The following DOT1L variants were observed in gnomAD, a reference collection of about 807,000 sequenced individuals.
DOT1L encodes the protein histone-lysine N-methyltransferase, H3 lysine-79 specific.
Under a neutral mutation model 153.3 loss-of-function variants are expected in DOT1L, and 33 were observed. The observed-to-expected ratio is 0.22, with a 90% confidence interval of 0.16 to 0.29. The LOEUF (loss-of-function observed/expected upper bound fraction) is 0.29, where lower values mean the gene tolerates loss of function less well. Ranked by LOEUF, DOT1L falls within the 10% of genes least tolerant of loss-of-function variation. The pLI is 1.00. For synonymous variants in DOT1L, 1,135 were observed against 965.1 expected (o/e 1.18, Z -3.26); for missense variants, 1,847 against 2,119.9 (o/e 0.87, Z 2.53).
chr19:2,210,958 TC>T, intron 14 of DOT1L, 103 bp downstream of exon 14: 1 of 1,475,122 alleles, frequency 6.8e-7, no homozygotes, highest in Non-Finnish European at 9.3e-7. Context: ...GTTCAGGGTG[TC>T]CCTGGAGCCT....
In DOT1L at chr19:2,190,537, C is replaced by T. The variant is rs1369112055; in HGVS notation, c.265-475C>T. Among the ~76,000 whole-genome samples the T allele has an allele frequency of 6.6e-6, 1 of 152,036 alleles. No homozygotes were observed. Among genetic ancestry groups the T allele is most frequent in the Non-Finnish European group, 1.5e-5 (1 of 67,986 alleles). Reference sequence around the variant, plus strand: ...CCCCTGAGAGCTGAGCTGGCCTGGGCGAGAGGGGACCACCTCAGCCTGCTG... The same window carrying T: ...CCCCTGAGAGCTGAGCTGGCCTGGGTGAGAGGGGACCACCTCAGCCTGCTG... On this transcript the variant is annotated intron_variant, in intron 4 of 27. Coordinates refer to ENST00000398665, the MANE Select transcript of DOT1L (RefSeq NM_032482.3). This position sits in a 1 kb window ranked among gnomAD's most constrained non-coding sequence, Gnocchi z 4.8.
In DOT1L at chr19:2,226,428, G is replaced by A. The variant is rs745447769; in HGVS notation, c.3907G>A (p.Ala1303Thr). ...RKGFPGSLSGADGLSPGTNPA... is the reference protein window; with the variant it reads ...RKGFPGSLSGTDGLSPGTNPA... Reference sequence around the variant, plus strand: ...AGGCTTTCCCGGCTCCCTGTCGGGGGCTGACGGACTCAGCCCGGGCACCAA... The same window carrying A: ...AGGCTTTCCCGGCTCCCTGTCGGGGACTGACGGACTCAGCCCGGGCACCAA... Residue 1303 changes from alanine (A) to threonine (T), a missense_variant, in exon 27 of 28, where the codon GCT becomes ACT. Coordinates refer to ENST00000398665, the MANE Select transcript of DOT1L (RefSeq NM_032482.3). The A allele has an allele frequency of 3.1e-6, 5 of 1,601,030 alleles. No homozygotes were observed. The highest frequency in any genetic ancestry group is 2.2e-5 in the East Asian group (1 of 44,814).
At chr19:2,175,397 C>G (rs939084482) in intron 1 of DOT1L, among the ~76,000 whole-genome samples, 8 of 152,288 alleles carry the variant, frequency 5.3e-5, no homozygotes, top group African/African-American at 1.9e-4. Flanking sequence ...AACTCCTGGG[C>G]TCCAGTGATC....
chr19:2,207,731 C>G lies in DOT1L; in HGVS notation c.963+51C>G, dbSNP rs371267973. On this transcript the variant is annotated intron_variant, in intron 11 of 27. Transcript: ENST00000398665. This position sits in a 1 kb window ranked among gnomAD's most constrained non-coding sequence, Gnocchi z 4.5. ...GCAGGGCCGTCCTGGTCTTCCACCC[C>G]GCCCACGTCACACTGCTCTCTCCTT... 2.7e-6 allele frequency: 4 copies of G among 1,490,304 alleles called. No individual in the cohort carries two copies. The highest frequency in any genetic ancestry group is 3.6e-6 in the Non-Finnish European group (4 of 1,096,096). 92.3% of individuals were successfully genotyped at this position (1,490,304 alleles called of 1,614,324 possible).
chr19:2,229,286 G>A lies in DOT1L; in HGVS notation c.4607-499G>A, dbSNP rs918898393. 2.1e-5 allele frequency: 21 copies of A among 985,344 alleles called. No individual in the cohort carries two copies. In the African/African-American group the frequency reaches 3.0e-4, roughly 14 times the overall value. 61.0% of individuals were successfully genotyped at this position (985,344 alleles called of 1,614,324 possible). A position where few individuals can be genotyped will look rare whatever the true frequency, so the allele number is the denominator to read the frequency against. On this transcript the variant is annotated intron_variant, in intron 27 of 27. Transcript: ENST00000398665. Reference sequence around the variant, plus strand: ...CCTCCAGGGACATGGCGTGCCTGGCGGCGTAGTGCAAAGGTGCCCTCTGCT... The same window carrying A: ...CCTCCAGGGACATGGCGTGCCTGGCAGCGTAGTGCAAAGGTGCCCTCTGCT...
Position 2,204,019 on chromosome 19 carries a change from A to T in DOT1L, c.787+1240A>T, listed in dbSNP as rs914358073. Among the ~76,000 whole-genome samples, 28 of 152,336 alleles carry T rather than the reference A, an allele frequency of 1.8e-4. No individual in the cohort carries two copies. Among genetic ancestry groups the T allele is most frequent in the Admixed American group, 7.8e-4 (12 of 15,302 alleles). On this transcript the variant is annotated intron_variant, in intron 9 of 27. Coordinates refer to ENST00000398665, the MANE Select transcript of DOT1L (RefSeq NM_032482.3). This position sits in a 1 kb window ranked among gnomAD's most constrained non-coding sequence, Gnocchi z 5.7. The stretch of plus-strand genomic sequence containing the variant: ...GCGGTGGGCTCCTCAGGCCTCCCAA[A>T]CAAAACCCAGAGGGTCTGCAGCTGC...
At chr19:2,176,057 T>C (rs1026419316) in intron 1 of DOT1L, among the ~76,000 whole-genome samples, 5 of 152,136 alleles carry the variant, frequency 3.3e-5, no homozygotes, top group African/African-American at 1.2e-4. Context: ...AACAGGTCTG[T>C]GCTGGAAACG....
At chr19:2,218,036 A>T in intron 22 of DOT1L, 118 bp downstream of exon 22, 2 of 1,424,302 alleles carry the variant, frequency 1.4e-6, no homozygotes, top group Non-Finnish European at 1.9e-6. Flanking sequence ...GCGTGAGGCA[A>T]TGCAGTCAAG....
At chr19:2,177,455 C>A (rs1055573591) in intron 1 of DOT1L, among the ~76,000 whole-genome samples, 1 of 152,164 alleles carries the variant, frequency 6.6e-6, no homozygotes, top group Non-Finnish European at 1.5e-5. Flanking sequence ...CGCCACCACA[C>A]CCAGCTAATT....
chr19:2,227,982 C>T (rs948952130), intron 27 of DOT1L: 1 of 1,277,396 alleles, frequency 7.8e-7, no homozygotes. Flanking sequence ...GCCGCCCGTC[C>T]TCCACGCCCC....
At position 2,210,632 on chromosome 19, in the gene DOT1L, T is replaced by C. The variant is rs767588740; in HGVS notation, c.1128T>C (p.Ala376=). 3.1e-6 allele frequency: 5 copies of C among 1,612,542 alleles called. No individual in the cohort carries two copies. In the East Asian group the frequency reaches 6.7e-5, roughly 22 times the overall value. ...CTTGTGTCCTCCAGGACTCTGGTGC[T>C]GAGGAAGAGAAGGCGGGAGCAGCCA... ...GPADAPMDSG[A]EEEKAGAATV... Residue 376 remains alanine, a synonymous_variant, in exon 14 of 28, where the codon GCT becomes GCC. Transcript: ENST00000398665.
chr19:2,219,980 G>A lies in DOT1L; in HGVS notation c.2692-128G>A, dbSNP rs912452093. 46 of 759,850 alleles carry A rather than the reference G, an allele frequency of 6.1e-5. No individual in the cohort carries two copies. The Admixed American group carries it at 1.1e-3, about 18-fold the overall frequency. The allele number at this position is 759,850 out of a possible 1,614,324, so 47.1% of individuals were successfully genotyped here. The stretch of plus-strand genomic sequence containing the variant: ...TTCCCCCGCTGCCCTCTTCCCACGC[G>A]GTACTGGACGGTGACCCCGGCGGCC... On this transcript the variant is annotated intron_variant, in intron 22 of 27. Transcript: ENST00000398665.
At chr19:2,165,465 C>G (rs995502475) in intron 1 of DOT1L, among the ~76,000 whole-genome samples, 1 of 152,222 alleles carries the variant, frequency 6.6e-6, no homozygotes, top group Non-Finnish European at 1.5e-5. Flanking sequence ...GGGTAGGGCC[C>G]TGGGGCTCTG....
chr19:2,217,728 G>T lies in DOT1L; in HGVS notation c.2545-44G>T. ...GTGGCTGTGGTCCCTGTGTCCTGGAGGGGTTTGTTGACCCACGACTGGGGG... is the reference window on the plus strand; with the variant it reads ...GTGGCTGTGGTCCCTGTGTCCTGGATGGGTTTGTTGACCCACGACTGGGGG... On this transcript the variant is annotated intron_variant, in intron 21 of 27. Coordinates refer to ENST00000398665, the MANE Select transcript of DOT1L (RefSeq NM_032482.3). This position sits in a 1 kb window ranked among gnomAD's most constrained non-coding sequence, Gnocchi z 7.3. 1 of 1,572,646 alleles carries T rather than the reference G, an allele frequency of 6.4e-7. No individual in the cohort carries two copies. Among genetic ancestry groups the T allele is most frequent in the Non-Finnish European group, 8.6e-7 (1 of 1,160,226 alleles).
rs1247588727 is a variant in DOT1L, at chr19:2,226,913, C to T, written c.4392C>T (p.Phe1464=). ...AASSAQTHRS[F]LGPFPPGPQF... ...CCTCCGCCCAGACGCACCGGTCCTT[C>T]CTGGGCCCCTTCCCGCCGGGACCGC... Residue 1464 remains phenylalanine, a synonymous_variant, in exon 27 of 28, where the codon TTC becomes TTT. Coordinates refer to ENST00000398665, the MANE Select transcript of DOT1L (RefSeq NM_032482.3). 3 of 1,580,712 alleles carry T rather than the reference C, an allele frequency of 1.9e-6. No individual in the cohort carries two copies. Among genetic ancestry groups the T allele is most frequent in the African/African-American group, 2.8e-5 (2 of 72,480 alleles).
At chr19:2,184,742 C>T (rs527274627) in intron 2 of DOT1L, among the ~76,000 whole-genome samples, 4 of 152,198 alleles carry the variant, frequency 2.6e-5, no homozygotes, top group African/African-American at 7.2e-5. Context: ...TTTCCGTACT[C>T]GCCCACACGG....
At chr19:2,203,680 C>T (rs573586103) in intron 9 of DOT1L, among the ~76,000 whole-genome samples, 1 of 152,334 alleles carries the variant, frequency 6.6e-6, no homozygotes, top group East Asian at 1.9e-4. Flanking sequence ...GAGGGTGGTA[C>T]CCAGACCACA....
At position 2,208,872 on chromosome 19, in the gene DOT1L, C is replaced by G. The variant is rs2023604726; in HGVS notation, c.964-63C>G. ...CAGGTTGCTGTTGTTACCTGGGTGT[C>G]CAGACAAATCCGAACAGAGATTGGG... On this transcript the variant is annotated intron_variant, in intron 11 of 27. Transcript: ENST00000398665. This position sits in a 1 kb window ranked among gnomAD's most constrained non-coding sequence, Gnocchi z 4.4. 1 of 1,560,764 alleles carries G rather than the reference C, an allele frequency of 6.4e-7. No individual in the cohort carries two copies. Among genetic ancestry groups the G allele is most frequent in the African/African-American group, 1.4e-5 (1 of 73,232 alleles).
At chr19:2,185,817 C>G (rs183589664) in intron 2 of DOT1L, 38 bp from the exon 3 acceptor site, 3 of 1,603,908 alleles carry the variant, frequency 1.9e-6, no homozygotes. Flanking sequence ...ACAAAAAAAA[C>G]CAAACCCTTC....
Sources: allele counts gnomAD v4.1 joint callset (sites outside exome capture counted in the v4.1 genomes callset), GRCh38; gene constraint gnomAD v4.1.1; non-coding constraint Gnocchi (gnomAD v3.1); transcripts MANE v1.5; gene names NCBI Gene and HGNC (gene_info 2026-07-23, HGNC 2026-07-21).